Variants in TEN1 observed in about 807,000 individuals in gnomAD.
The protein encoded by TEN1 is TEN1 subunit of CST complex.
A neutral mutation model predicts 9.3 loss-of-function variants in TEN1; 6 were observed. The ratio of observed to expected loss-of-function variants is 0.65; its 90% CI spans 0.35 to 1.27. TEN1 has a LOEUF of 1.27. Ranked by LOEUF, TEN1 falls within the 50% of genes most tolerant of loss-of-function variation. The pLI, the probability that TEN1 is intolerant of heterozygous loss-of-function variation, is 0.03. For missense variants in TEN1, 149 were observed against 158.2 expected (o/e 0.94, Z 0.31); for synonymous variants, 65 against 65.6 (o/e 0.99, Z 0.04).
At position 76,000,167 on chromosome 17, in the gene TEN1, G is replaced by C; in HGVS notation, c.277G>C (p.Val93Leu). Residue 93 changes from valine to leucine, a missense_variant, in exon 4 of 4, where the codon GTG (valine) becomes CTG (leucine). Val to Leu is a conservative substitution (Grantham distance 32, BLOSUM62 1). Transcript: ENST00000397640. This position sits in a 1 kb window ranked among gnomAD's most constrained non-coding sequence, Gnocchi z 5.9. ...CAGAGGCTCCGTGGTGAAGGCGCGC[G>C]TGCTGACCTGTGTGGAGGGGATGAA... ...QDRGSVVKAR[V>L]LTCVEGMNLP... 1 of 1,551,478 alleles carries C rather than the reference G, an allele frequency of 6.4e-7. No homozygotes were observed. The highest frequency in any genetic ancestry group is 8.7e-7 in the Non-Finnish European group (1 of 1,146,944).
chr17:75,991,149 C>CAAAAAAAAAAAAAAAAAAAAAA (rs71361699), intron 2 of TEN1, among the ~76,000 whole-genome samples: 14 of 70,026 alleles, frequency 2.0e-4, no homozygotes, highest in South Asian at 5.3e-4. Context: ...GACTCCATCT[C>CAAAAAAAAAAAAAAAAAAAAAA]AAAAAAAAAA....
At chr17:75,987,916 CAAAAAAAAAAAA>C (rs34957837) in intron 2 of TEN1, among the ~76,000 whole-genome samples, 2 of 51,234 alleles carry the variant, frequency 3.9e-5, no homozygotes, top group Non-Finnish European at 7.4e-5. Flanking sequence ...GACTCCATCT[CAAAAAAAAAAAA>C]AAAAAAAAAA....
intron 3 of TEN1, among the ~76,000 whole-genome samples, chr17:75,992,022 A>G (rs8082573): frequency 0.49 from 70,584 of 142,664 alleles, 20,620 homozygotes; most frequent in African/African-American, 0.84. Context: ...ACTCCAGCCT[A>G]GATGACAGAG....
At position 75,991,538 on chromosome 17, in the gene TEN1, T is replaced by G. The variant is rs1369277253; in HGVS notation, c.165T>G (p.Val55=). Residue 55 remains valine, a synonymous_variant, in exon 3 of 4, where the codon GTT becomes GTG. Coordinates refer to ENST00000397640, the MANE Select transcript of TEN1 (RefSeq NM_001113324.3). The part of the protein sequence containing the change: ...MAQHGSDQHQ[V]LVCTKLVEPF... ...AGCACGGATCCGATCAGCACCAGGTTCTTGTCTGTACCAAGTTGGTGGAGC... is the reference window on the plus strand; with the variant it reads ...AGCACGGATCCGATCAGCACCAGGTGCTTGTCTGTACCAAGTTGGTGGAGC... The G allele has an allele frequency of 6.4e-7, 1 of 1,552,370 alleles. No individual in the cohort carries two copies. The highest frequency in any genetic ancestry group is 1.2e-5 in the South Asian group (1 of 84,068).
intron 3 of TEN1, among the ~76,000 whole-genome samples, chr17:75,994,520 C>T (rs1363845566): frequency 6.6e-6 from 1 of 151,794 alleles, no homozygotes; most frequent in African/African-American, 2.4e-5. Context: ...CTCTGTCACC[C>T]AGCCTGGAGT....
chr17:75,988,583 A>AG lies in TEN1; in HGVS notation c.92+2299_92+2300insG, dbSNP rs1333101038. On this transcript the variant is annotated intron_variant, in intron 2 of 3. Transcript: ENST00000397640. ...CCTCAAAAAAAAAAAAAAAAAAAAA[A>AG]AAAAGAAAAGAAGAAGAAAGCAATA... Among the ~76,000 whole-genome samples, 5 of 108,964 alleles carry AG rather than the reference A, an allele frequency of 4.6e-5. 1 individual carries two copies. Among genetic ancestry groups the AG allele is most frequent in the African/African-American group, 2.9e-4 (3 of 10,504 alleles). 71.5% of individuals were successfully genotyped at this position (108,964 alleles called of 152,430 possible).
chr17:75,986,643 G>T (rs1227052156), intron 2 of TEN1, among the ~76,000 whole-genome samples: 1 of 151,980 alleles, frequency 6.6e-6, no homozygotes, highest in Non-Finnish European at 1.5e-5. Flanking sequence ...GGAGGTTGTA[G>T]CGAGCCGAAA....
chr17:75,984,952 A>C (rs1190463208), intron 1 of TEN1: 1 of 152,142 alleles, frequency 6.6e-6, no homozygotes, highest in Non-Finnish European at 1.5e-5. Context: ...TGATGAAGAG[A>C]GTCAAATTGG....
At chr17:75,990,204 C>A (rs11869029) in intron 2 of TEN1, among the ~76,000 whole-genome samples, 19,358 of 151,744 alleles carry the variant, frequency 0.13, 4,087 homozygotes, top group African/African-American at 0.44. Context: ...TGCCACCATG[C>A]CTGGCTAATT....
chr17:75,991,320 T>C, intron 2 of TEN1, 146 bp from the exon 3 acceptor site: 1 of 801,030 alleles, frequency 1.2e-6, no homozygotes, highest in South Asian at 1.6e-5. Context: ...GAAACATTTT[T>C]TTCTGGTTTG....
chr17:75,997,935 A>G (rs1038512431), intron 3 of TEN1, among the ~76,000 whole-genome samples: 1 of 151,008 alleles, frequency 6.6e-6, no homozygotes, highest in Non-Finnish European at 1.5e-5. Flanking sequence ...GCTTACTGCA[A>G]CCTCTGCTTC....
At position 75,980,428 on chromosome 17, in the gene TEN1, AT is replaced by A. The variant is rs758453002; in HGVS notation, c.-7+931del. Among the ~76,000 whole-genome samples the A allele has an allele frequency of 3.0e-3, 437 of 145,878 alleles. 2 individuals carry two copies. The highest frequency in any genetic ancestry group is 5.1e-3 in the African/African-American group (203 of 39,972). ...GGGATTTGTTGAATCATCTCTAGTC[AT>A]TTTTTTTTTTTTTCTTGAGACGGAG... On this transcript the variant is annotated intron_variant, in intron 1 of 3. Coordinates refer to ENST00000397640, the MANE Select transcript of TEN1 (RefSeq NM_001113324.3).
chr17:75,996,818 A>G (rs1287279793), intron 3 of TEN1, among the ~76,000 whole-genome samples: 1 of 151,758 alleles, frequency 6.6e-6, no homozygotes, highest in African/African-American at 2.4e-5. Flanking sequence ...TCCCCTGTGC[A>G]CCTCCCTCTT....
chr17:75,995,578 G>A (rs1277860279), intron 3 of TEN1, among the ~76,000 whole-genome samples: 2 of 152,290 alleles, frequency 1.3e-5, no homozygotes, highest in East Asian at 3.9e-4. Context: ...TAAAACCCAT[G>A]GACCTGACAC....
chr17:75,995,213 C>A (rs1355107108), intron 3 of TEN1, among the ~76,000 whole-genome samples: 1 of 139,702 alleles, frequency 7.2e-6, no homozygotes, highest in Non-Finnish European at 1.6e-5. Context: ...AGAGTGAGAC[C>A]CTGTTTCAAA....
chr17:75,983,989 G>A (rs2066137641), intron 1 of TEN1, among the ~76,000 whole-genome samples: 1 of 152,178 alleles, frequency 6.6e-6, no homozygotes, highest in South Asian at 2.1e-4. Flanking sequence ...ATAATGGCTG[G>A]CAATCTTAGC....
intron 1 of TEN1, among the ~76,000 whole-genome samples, chr17:75,983,321 A>G (rs1311866947): frequency 2.6e-5 from 4 of 152,152 alleles, no homozygotes; most frequent in Non-Finnish European, 5.9e-5. Flanking sequence ...TATAATCATT[A>G]TACCAGCAAA....
chr17:75,979,380 G>A lies in TEN1; in HGVS notation c.-138G>A, dbSNP rs2066095388. ...GGATCCTCGGGAAAGGGGCTCCGAA[G>A]GTCAAGAAACTGCCCTGCTGGGCGT... On this transcript the variant is annotated 5_prime_UTR_variant, in exon 1 of 4. Transcript: ENST00000397640. 3 of 525,424 alleles carry A rather than the reference G, an allele frequency of 5.7e-6. No homozygotes were observed. The highest frequency in any genetic ancestry group is 3.2e-5 in the Admixed American group (1 of 31,368). 32.5% of individuals were successfully genotyped at this position (525,424 alleles called of 1,614,324 possible). A position where few individuals can be genotyped will look rare whatever the true frequency, so the allele number is the denominator to read the frequency against.
chr17:75,999,588 A>G (rs2144369057), intron 3 of TEN1, among the ~76,000 whole-genome samples: 1 of 152,202 alleles, frequency 6.6e-6, no homozygotes, highest in African/African-American at 2.4e-5. Context: ...AGTGTTCCAC[A>G]TGCCTTGGCC....
Sources: gnomAD v4.1 joint callset for allele counts (sites outside exome capture counted in the v4.1 genomes callset) on GRCh38, gnomAD v4.1.1 for gene constraint, Gnocchi (gnomAD v3.1) non-coding constraint, MANE v1.5 for transcripts, NCBI Gene and HGNC (gene_info 2026-07-23, HGNC 2026-07-21) for gene names.